Variants in TRA2B observed in about 807,000 individuals in gnomAD.
TRA2B encodes the protein transformer 2 beta homolog.
TRA2B carries 14 observed loss-of-function variants against 41.7 expected under a neutral mutation model. The ratio of observed to expected loss-of-function variants is 0.34; its 90% CI spans 0.22 to 0.53. The LOEUF is 0.53. Ranked by LOEUF, TRA2B falls within the 20% of genes least tolerant of loss-of-function variation. TRA2B has a pLI of 0.95. For missense variants in TRA2B, 167 were observed against 396.8 expected, an observed-to-expected ratio of 0.42 and a Z score of 4.92; for synonymous variants, 130 against 128.8, an observed-to-expected ratio of 1.01 and a Z score of -0.06.
At chr3:185,918,911 C>T (rs1256597240) in intron 7 of TRA2B, among the ~76,000 whole-genome samples, 2 of 152,088 alleles carry the variant, frequency 1.3e-5, no homozygotes, top group Non-Finnish European at 2.9e-5. Flanking sequence ...GATGCAGAGA[C>T]TGCAGTGAGC....
At position 185,914,983 on chromosome 3, in the gene TRA2B, A is replaced by T. The variant is rs1489675220; in HGVS notation, c.*2732T>A. 6.6e-6 allele frequency among the ~76,000 whole-genome samples: 1 copy of T among 152,196 alleles called. No homozygotes were observed. Among genetic ancestry groups the T allele is most frequent in the Non-Finnish European group, 1.5e-5 (1 of 68,026 alleles). Reference sequence around the variant, plus strand: ...CATATATTCCTTATGTAGGGGCAACAATGTAAACATTGCAGACCTTGAGCA... The same window carrying T: ...CATATATTCCTTATGTAGGGGCAACTATGTAAACATTGCAGACCTTGAGCA... On this transcript the variant is annotated 3_prime_UTR_variant, in exon 9 of 9. Coordinates refer to ENST00000453386, the MANE Select transcript of TRA2B (RefSeq NM_004593.3).
intron 1 of TRA2B, chr3:185,931,532 T>C: frequency 8.8e-7 from 1 of 1,133,750 alleles, no homozygotes; most frequent in Non-Finnish European, 1.1e-6. Context: ...AATGCATGCA[T>C]GTTTAGCAAA....
intron 1 of TRA2B, chr3:185,931,878 G>T: frequency 7.5e-7 from 1 of 1,324,714 alleles, no homozygotes; most frequent in Non-Finnish European, 9.6e-7. Context: ...ACAGGATGAA[G>T]AATATTTTAA....
intron 4 of TRA2B, 97 bp from the exon 5 acceptor site, chr3:185,922,223 G>C (rs1743769455): frequency 1.3e-6 from 1 of 751,010 alleles, no homozygotes; most frequent in Admixed American, 2.8e-5. Context: ...TCAGTTAGGT[G>C]CATTAAGTTA....
At chr3:185,930,802 G>A (rs1744121563) in intron 1 of TRA2B, among the ~76,000 whole-genome samples, 1 of 152,150 alleles carries the variant, frequency 6.6e-6, no homozygotes. Context: ...CATTACAATA[G>A]CTAAATGTTG....
chr3:185,935,241 T>C (rs1397114629), intron 1 of TRA2B: 1 of 985,378 alleles, frequency 1.0e-6, no homozygotes, highest in South Asian at 4.7e-5. Flanking sequence ...AATCCGGAGA[T>C]GAAAACGAGA....
chr3:185,937,929 G>T lies in TRA2B; in HGVS notation c.-69C>A, dbSNP rs1471417020. 3 of 1,595,260 alleles carry T rather than the reference G, an allele frequency of 1.9e-6. No individual in the cohort carries two copies. Among genetic ancestry groups the T allele is most frequent in the Non-Finnish European group, 1.7e-6 (2 of 1,168,202 alleles). On this transcript the variant is annotated 5_prime_UTR_variant, in exon 1 of 9. Coordinates refer to ENST00000453386, the MANE Select transcript of TRA2B (RefSeq NM_004593.3). ...TGCCAACCTCTTGCACCTTCCTTAA[G>T]GAGGCTCCGCCGCAGCCCCGCACGA...
At chr3:185,927,687 T>C (rs1271640623) in intron 1 of TRA2B, 2 of 152,154 alleles carry the variant, frequency 1.3e-5, no homozygotes, top group East Asian at 3.8e-4. Flanking sequence ...AAGGGGGGAT[T>C]TGTAATGAAA....
Position 185,938,007 on chromosome 3 carries a change from C to A in TRA2B, c.-147G>T. On this transcript the variant is annotated 5_prime_UTR_variant, in exon 1 of 9. Coordinates refer to ENST00000453386, the MANE Select transcript of TRA2B (RefSeq NM_004593.3). ...CGAAATGCTCCGCACCGCCTCCGCA[C>A]GGGCTCTAACTCTACCGGATGTGAC... The A allele has an allele frequency of 2.4e-6, 2 of 845,670 alleles. No homozygotes were observed. The highest frequency in any genetic ancestry group is 3.1e-5 in the South Asian group (2 of 63,594). 52.4% of individuals were successfully genotyped at this position (845,670 alleles called of 1,614,324 possible).
rs1234148820 is a variant in TRA2B, at chr3:185,916,735, G to A, written c.*980C>T. ...CAAGAACACTTCTTTGTGAACAGCT[G>A]CACCAACATTTTTCTTTTCATTTGC... On this transcript the variant is annotated 3_prime_UTR_variant, in exon 9 of 9. Coordinates refer to ENST00000453386, the MANE Select transcript of TRA2B (RefSeq NM_004593.3). The A allele has an allele frequency of 2.0e-5, 3 of 152,580 alleles. No homozygotes were observed. Among genetic ancestry groups the A allele is most frequent in the Non-Finnish European group, 4.4e-5 (3 of 68,038 alleles). The allele number at this position is 152,580 out of a possible 1,614,324, so 9.5% of individuals were successfully genotyped here.
intron 1 of TRA2B, chr3:185,935,400 T>C: frequency 1.0e-6 from 1 of 985,404 alleles, no homozygotes; most frequent in South Asian, 4.7e-5. Flanking sequence ...CACCAGTTCT[T>C]TAAATGTCAT....
chr3:185,921,954 G>T (rs1014203488), intron 5 of TRA2B, 57 bp downstream of exon 5: 3 of 1,304,610 alleles, frequency 2.3e-6, no homozygotes, highest in Non-Finnish European at 3.3e-6. Flanking sequence ...ACTAATACAA[G>T]TGTTTCTTTG....
chr3:185,921,895 C>T, intron 5 of TRA2B, 116 bp downstream of exon 5: 1 of 630,212 alleles, frequency 1.6e-6, no homozygotes, highest in Non-Finnish European at 2.7e-6. Flanking sequence ...AGCATTTAAT[C>T]AATCAACAGT....
chr3:185,919,592 T>C (rs888521586), intron 6 of TRA2B, 96 bp from the exon 7 acceptor site: 40 of 978,334 alleles, frequency 4.1e-5, no homozygotes, highest in Non-Finnish European at 5.8e-5. Context: ...TCATAGAGCA[T>C]GAATGAGATG....
chr3:185,935,637 T>TG (rs1396186698), intron 1 of TRA2B: 3 of 985,192 alleles, frequency 3.0e-6, no homozygotes, highest in Non-Finnish European at 3.6e-6. Context: ...AAGCCTGGAG[T>TG]TGAATAACAC....
intron 1 of TRA2B, chr3:185,935,067 C>A (rs1308547834): frequency 2.0e-6 from 2 of 985,296 alleles, no homozygotes; most frequent in East Asian, 1.1e-4. Context: ...ACAACCTATA[C>A]GCTGTGACCA....
chr3:185,937,748 G>T (rs1389511151), intron 1 of TRA2B, 77 bp downstream of exon 1: 8 of 1,600,468 alleles, frequency 5.0e-6, no homozygotes, highest in Non-Finnish European at 5.1e-6. Context: ...CTGCCTCCTG[G>T]CCCGAGGCCG....
At chr3:185,918,869 G>T (rs982355518) in intron 7 of TRA2B, among the ~76,000 whole-genome samples, 1 of 152,054 alleles carries the variant, frequency 6.6e-6, no homozygotes, top group Non-Finnish European at 1.5e-5. Flanking sequence ...AGCTCTGTGC[G>T]GTGGTGCATG....
Position 185,936,055 on chromosome 3 carries a change from T to C in TRA2B, c.36+1770A>G, listed in dbSNP as rs546043250. On this transcript the variant is annotated intron_variant, in intron 1 of 8. Transcript: ENST00000453386. ...TCAAACTGGAACCTAGTTTCAATTG[T>C]TTCCCTTCTCACGTAAAATATACTA... 3 of 985,446 alleles carry C rather than the reference T, an allele frequency of 3.0e-6. No homozygotes were observed. The African/African-American group carries it at 5.2e-5, about 17-fold the overall frequency. The allele number at this position is 985,446 out of a possible 1,614,324, so 61.0% of individuals were successfully genotyped here.
Sources: allele counts gnomAD v4.1 joint callset (sites outside exome capture counted in the v4.1 genomes callset), GRCh38; gene constraint gnomAD v4.1.1; transcripts MANE v1.5; gene names NCBI Gene and HGNC (gene_info 2026-07-23, HGNC 2026-07-21).